ERC2: variants seen among roughly 807,000 people sequenced by gnomAD.
The protein encoded by ERC2 is ERC protein 2.
ERC2 carries 42 observed loss-of-function variants against 114.8 expected under a neutral mutation model. The ratio of observed to expected loss-of-function variants is 0.37; its 90% CI spans 0.29 to 0.47. The LOEUF (loss-of-function observed/expected upper bound fraction) is 0.47, where lower values mean the gene tolerates loss of function less well. Ranked by LOEUF, ERC2 falls within the 20% of genes least tolerant of loss-of-function variation. ERC2 has a pLI of 0.99. For missense variants in ERC2, 939 were observed against 1,150.7 expected (o/e 0.82, Z 2.66); for synonymous variants, 454 against 425.5 (o/e 1.07, Z -0.82).
intron 17 of ERC2, among the ~76,000 whole-genome samples, chr3:55,573,726 G>A (rs1225374120): frequency 6.6e-6 from 1 of 152,034 alleles, no homozygotes; most frequent in Non-Finnish European, 1.5e-5. Context: ...CATCTTTAAT[G>A]TGAGTGCACA....
intron 4 of ERC2, among the ~76,000 whole-genome samples, chr3:56,157,509 A>G (rs2081798808): frequency 1.3e-5 from 2 of 152,318 alleles, no homozygotes; most frequent in South Asian, 4.1e-4. Flanking sequence ...ACTTTGCAAC[A>G]CAGTGAATGC....
chr3:55,746,687 C>A (rs897755376), intron 14 of ERC2, among the ~76,000 whole-genome samples: 1 of 152,214 alleles, frequency 6.6e-6, no homozygotes, highest in Non-Finnish European at 1.5e-5. Flanking sequence ...TCTGTGTGTG[C>A]TGCAGGTGAT....
At chr3:55,691,463 GA>G (rs1553631332) in intron 16 of ERC2, among the ~76,000 whole-genome samples, 1 of 142,472 alleles carries the variant, frequency 7.0e-6, no homozygotes, top group Non-Finnish European at 1.5e-5. Flanking sequence ...ATGGGTTGTT[GA>G]ATCTGAAGGC....
At chr3:55,745,741 G>C (rs945496410) in intron 14 of ERC2, among the ~76,000 whole-genome samples, 2 of 152,168 alleles carry the variant, frequency 1.3e-5, no homozygotes, top group East Asian at 1.9e-4. Flanking sequence ...ATTGTCCATG[G>C]GTGATCAGTT....
intron 12 of ERC2, chr3:55,955,196 A>G (rs2067858307): frequency 1.9e-6 from 1 of 513,038 alleles, no homozygotes; most frequent in Non-Finnish European, 3.9e-6. Flanking sequence ...TGAAGAAGGG[A>G]ATAGTTTTGG....
At chr3:55,931,099 A>G (rs1409816991) in intron 13 of ERC2, among the ~76,000 whole-genome samples, 1 of 152,204 alleles carries the variant, frequency 6.6e-6, no homozygotes, top group African/African-American at 2.4e-5. Context: ...AAGTCAGGAA[A>G]CAACAGATGC....
At chr3:55,877,515 C>CTT (rs369593635) in intron 14 of ERC2, among the ~76,000 whole-genome samples, 17 of 140,630 alleles carry the variant, frequency 1.2e-4, no homozygotes, top group Non-Finnish European at 1.5e-4. Context: ...TTTATTTTTT[C>CTT]TTTTTTTTTT....
chr3:55,880,242 T>C (rs1183449041), intron 14 of ERC2, among the ~76,000 whole-genome samples: 1 of 152,206 alleles, frequency 6.6e-6, no homozygotes, highest in African/African-American at 2.4e-5. Flanking sequence ...TCCCTAGTGA[T>C]TACAAAGCTA....
At chr3:55,840,954 T>C (rs2061106146) in intron 14 of ERC2, among the ~76,000 whole-genome samples, 1 of 151,892 alleles carries the variant, frequency 6.6e-6, no homozygotes, top group African/African-American at 2.4e-5. Context: ...AAGATAGAGA[T>C]AGAGGGGTCA....
Position 56,421,084 on chromosome 3 carries a change from C to A in ERC2, c.657+13267G>T, listed in dbSNP as rs114847162. 4.5e-3 allele frequency among the ~76,000 whole-genome samples: 679 copies of A among 151,970 alleles called. 5 individuals are homozygous for A. Among genetic ancestry groups the A allele is most frequent in the African/African-American group, 0.016 (649 of 41,416 alleles). On this transcript the variant is annotated intron_variant, in intron 2 of 17. Transcript: ENST00000288221. ...ACTTCCAGAATTTCTCTAGGGGGCACAATGTAGGTAGGGAGTGAAGAGGTG... is the reference window on the plus strand; with the variant it reads ...ACTTCCAGAATTTCTCTAGGGGGCAAAATGTAGGTAGGGAGTGAAGAGGTG...
At chr3:56,195,848 G>C (rs2048069096) in intron 3 of ERC2, among the ~76,000 whole-genome samples, 1 of 151,694 alleles carries the variant, frequency 6.6e-6, no homozygotes, top group Non-Finnish European at 1.5e-5. Context: ...AAAAAAAATA[G>C]GTCAATACCA....
At chr3:55,786,160 A>G (rs559004943) in intron 14 of ERC2, among the ~76,000 whole-genome samples, 50 of 152,302 alleles carry the variant, frequency 3.3e-4, no homozygotes, top group South Asian at 1.5e-3. Context: ...TCCTTTGCAA[A>G]TCTGATTAAA....
chr3:55,778,599 TG>T, intron 14 of ERC2, among the ~76,000 whole-genome samples: 1 of 152,306 alleles, frequency 6.6e-6, no homozygotes, highest in South Asian at 2.1e-4. Context: ...TGAGCAAAGC[TG>T]TAAGATAAAT....
At chr3:55,768,726 C>G (rs1031835879) in intron 14 of ERC2, among the ~76,000 whole-genome samples, 1 of 152,078 alleles carries the variant, frequency 6.6e-6, no homozygotes, top group African/African-American at 2.4e-5. Flanking sequence ...AAGAAGCAAG[C>G]CAATGGGGCC....
At chr3:56,421,436 C>G in intron 2 of ERC2, among the ~76,000 whole-genome samples, 1 of 152,172 alleles carries the variant, frequency 6.6e-6, no homozygotes, top group African/African-American at 2.4e-5. Context: ...GGATGTGTGA[C>G]TCATTCCCTT....
chr3:55,850,544 T>A (rs2061526341), intron 14 of ERC2, among the ~76,000 whole-genome samples: 1 of 152,170 alleles, frequency 6.6e-6, no homozygotes, highest in Non-Finnish European at 1.5e-5. Context: ...GTGTTCATCT[T>A]CTTCATACCA....
rs4429599 is a variant in ERC2 at position 55,883,930 on chromosome 3, C to A, written c.2564+4459G>T. On this transcript the variant is annotated intron_variant, in intron 14 of 17. Transcript: ENST00000288221. ...AACAACAACAACAACAACAACAACACCACAAAACTGGAGAAATTGGAATAA... is the reference window on the plus strand; with the variant it reads ...AACAACAACAACAACAACAACAACAACACAAAACTGGAGAAATTGGAATAA... Among the ~76,000 whole-genome samples, 1,307 of 143,688 alleles carry A rather than the reference C, an allele frequency of 9.1e-3. 6 individuals carry two copies. Among genetic ancestry groups the A allele is most frequent in the African/African-American group, 0.014 (504 of 35,994 alleles). The allele number at this position is 143,688 out of a possible 152,430, so 94.3% of individuals were successfully genotyped here. A position where few individuals can be genotyped will look rare whatever the true frequency, so the allele number is the denominator to read the frequency against.
At chr3:55,986,031 A>C (rs1161989746) in intron 11 of ERC2, 43 bp from the exon 12 acceptor site, 1 of 1,526,082 alleles carries the variant, frequency 6.6e-7, no homozygotes, top group Non-Finnish European at 8.8e-7. Context: ...GAGGATAAGC[A>C]GAAAGGAAAA....
intron 13 of ERC2, among the ~76,000 whole-genome samples, chr3:55,922,989 G>A (rs1164366355): frequency 6.6e-6 from 1 of 151,972 alleles, no homozygotes; most frequent in Non-Finnish European, 1.5e-5. Flanking sequence ...TCAAAATATT[G>A]GGAATGGAAT....
Sources: allele counts gnomAD v4.1 joint callset (sites outside exome capture counted in the v4.1 genomes callset), GRCh38; gene constraint gnomAD v4.1.1; transcripts MANE v1.5; gene names NCBI Gene and HGNC (gene_info 2026-07-23, HGNC 2026-07-21).